The following ELFN2 variants were observed in gnomAD, a reference collection of about 807,000 sequenced individuals.
ELFN2 encodes extracellular leucine rich repeat and fibronectin type III domain containing 2.
Under a neutral mutation model 45.5 loss-of-function variants are expected in ELFN2, and 17 were observed. The ratio of observed to expected loss-of-function variants is 0.37; its 90% CI spans 0.26 to 0.56. The LOEUF (loss-of-function observed/expected upper bound fraction) is 0.56. Among genes scored for constraint, ELFN2 ranks in the 20% least tolerant of loss-of-function variants. ELFN2 has a pLI of 0.77. For synonymous variants in ELFN2, 550 were observed against 551.5 expected (o/e 1.00, Z 0.04); for missense variants, 922 against 1,183.2 (o/e 0.78, Z 3.24).
intron 1 of ELFN2, among the ~76,000 whole-genome samples, chr22:37,347,165 A>T (rs1930717353): frequency 6.6e-6 from 1 of 151,636 alleles, no homozygotes; most frequent in African/African-American, 2.4e-5. Flanking sequence ...TTTAGTAGAG[A>T]TGGGGGTTTC....
intron 1 of ELFN2, among the ~76,000 whole-genome samples, chr22:37,358,740 G>A (rs1272472070): frequency 3.3e-5 from 5 of 152,216 alleles, no homozygotes; most frequent in African/African-American, 9.6e-5. Context: ...TCTAACAGAT[G>A]AGGGGCACAG....
At chr22:37,424,804 T>C (rs1209333162) in intron 1 of ELFN2, among the ~76,000 whole-genome samples, 7 of 151,948 alleles carry the variant, frequency 4.6e-5, no homozygotes, top group Non-Finnish European at 8.8e-5. Context: ...GCCGTGGAAA[T>C]CCAAGGAAAG....
intron 2 of ELFN2, among the ~76,000 whole-genome samples, chr22:37,379,482 A>C (rs1157052509): frequency 2.0e-5 from 3 of 151,644 alleles, no homozygotes. Flanking sequence ...GCCTGACTGG[A>C]CCCCTCCCCT....
chr22:37,345,851 C>A (rs770977204), intron 1 of ELFN2, among the ~76,000 whole-genome samples: 3 of 152,184 alleles, frequency 2.0e-5, no homozygotes, highest in Admixed American at 6.5e-5. Flanking sequence ...CGGCCATGGC[C>A]TCCTTGCTTT....
intron 1 of ELFN2, among the ~76,000 whole-genome samples, chr22:37,344,266 A>G (rs1466718156): frequency 1.8e-5 from 2 of 112,404 alleles, no homozygotes; most frequent in African/African-American, 3.6e-5. Context: ...CTACAACGCA[A>G]TGGTGGCAGC....
At chr22:37,424,690 G>A (rs1474252431) in intron 1 of ELFN2, among the ~76,000 whole-genome samples, 1 of 150,196 alleles carries the variant, frequency 6.7e-6, no homozygotes, top group Non-Finnish European at 1.5e-5. Context: ...CGGGGGGGGG[G>A]ATGGAATTCA....
intron 2 of ELFN2, among the ~76,000 whole-genome samples, chr22:37,410,360 G>A (rs184532125): frequency 6.6e-6 from 1 of 152,296 alleles, no homozygotes; most frequent in African/African-American, 2.4e-5. Context: ...CCTCAGCCTG[G>A]CCACTCACTG....
chr22:37,405,540 G>A (rs1316144630), intron 2 of ELFN2, among the ~76,000 whole-genome samples: 5 of 152,076 alleles, frequency 3.3e-5, no homozygotes, highest in African/African-American at 1.2e-4. Flanking sequence ...CATCACTGCT[G>A]TCATTACAGT....
At position 37,383,145 on chromosome 22, in the gene ELFN2, C is replaced by T. The variant is rs138519574; in HGVS notation, c.-462-7149G>A. 5.9e-3 allele frequency among the ~76,000 whole-genome samples: 906 copies of T among 152,284 alleles called. 14 individuals are homozygous for T. Among genetic ancestry groups the T allele is most frequent in the South Asian group, 0.013 (64 of 4,820 alleles). ...CTTGCTGTCAAGGTCCCTCTTACAA[C>T]GTGTCGCCTGGAGCCAAGCACCAGT... On this transcript the variant is annotated intron_variant, in intron 2 of 2. Coordinates refer to ENST00000402918, the MANE Select transcript of ELFN2 (RefSeq NM_052906.5).
At chr22:37,356,841 TATC>T (rs2145618625) in intron 1 of ELFN2, among the ~76,000 whole-genome samples, 1 of 152,322 alleles carries the variant, frequency 6.6e-6, no homozygotes, top group African/African-American at 2.4e-5. Context: ...TCTCTAACAA[TATC>T]ATCGTCTTTT....
At chr22:37,391,880 G>A (rs1932094778) in intron 2 of ELFN2, among the ~76,000 whole-genome samples, 1 of 152,214 alleles carries the variant, frequency 6.6e-6, no homozygotes, top group Non-Finnish European at 1.5e-5. Context: ...TCAGGAGGAA[G>A]GGGTGCAGAC....
chr22:37,373,661 G>T lies in ELFN2; in HGVS notation c.1874C>A (p.Thr625Asn). 2 of 1,580,524 alleles carry T rather than the reference G, an allele frequency of 1.3e-6. No individual in the cohort carries two copies. The highest frequency in any genetic ancestry group is 1.7e-6 in the Non-Finnish European group (2 of 1,164,850). Residue 625 changes from threonine to asparagine, a missense_variant, in exon 3 of 3, where the codon ACC (threonine) becomes AAC (asparagine). Transcript: ENST00000402918. ...QRQLSADAAV[T>N]RKTCSVSSSG... Reference sequence around the variant, plus strand: ...GGACGACACGCTGCAGGTCTTGCGGGTCACGGCCGCGTCGGCGCTCAGCTG... The same window carrying T: ...GGACGACACGCTGCAGGTCTTGCGGTTCACGGCCGCGTCGGCGCTCAGCTG...
In ELFN2 at chr22:37,373,245, C is replaced by T. The variant is rs754011945; in HGVS notation, c.2290G>A (p.Glu764Lys). The T allele has an allele frequency of 1.9e-6, 3 of 1,613,764 alleles. No homozygotes were observed. The highest frequency in any genetic ancestry group is 1.1e-5 in the South Asian group (1 of 91,082). Residue 764 changes from glutamate to lysine, a missense_variant, in exon 3 of 3, where the codon GAG becomes AAG. Glu to Lys is a moderately conservative substitution (Grantham distance 56). Around this residue, in one of 2 missense-constraint regions of ELFN2, gnomAD observed 564 missense variants for 642.8 expected, o/e 0.88. Transcript: ENST00000402918. ...GYSSSPEYSSESTHKIWERFR... is the reference protein window; with the variant it reads ...GYSSSPEYSSKSTHKIWERFR... ...CGCTCCCAGATCTTGTGCGTGCTCT[C>T]GGATGAGTACTCGGGGCTGGAGGAG... is the stretch of plus-strand genomic sequence containing the variant.
intron 2 of ELFN2, among the ~76,000 whole-genome samples, chr22:37,386,684 C>A (rs976728004): frequency 2.6e-5 from 4 of 152,152 alleles, no homozygotes; most frequent in African/African-American, 9.6e-5. Flanking sequence ...GGGTCGACAT[C>A]GAGCCCCGGA....
At position 37,377,999 on chromosome 22, in the gene ELFN2, G is replaced by A. The variant is rs577475731; in HGVS notation, c.-462-2003C>T. 2.1e-4 allele frequency among the ~76,000 whole-genome samples: 32 copies of A among 152,272 alleles called. 1 individual carries two copies. Among genetic ancestry groups the A allele is most frequent in the Admixed American group, 1.8e-3 (27 of 15,298 alleles). Reference sequence around the variant, plus strand: ...CATGCTTGCCACTTCAGAGATCCACGAGCCGGCCTGTCAGAGAACCCTCGT... The same window carrying A: ...CATGCTTGCCACTTCAGAGATCCACAAGCCGGCCTGTCAGAGAACCCTCGT... On this transcript the variant is annotated intron_variant, in intron 2 of 2. Coordinates refer to ENST00000402918, the MANE Select transcript of ELFN2 (RefSeq NM_052906.5).
At chr22:37,377,862 C>T (rs1044571316) in intron 2 of ELFN2, among the ~76,000 whole-genome samples, 7 of 152,186 alleles carry the variant, frequency 4.6e-5, no homozygotes, top group South Asian at 2.1e-4. Context: ...CCTTGGCCCC[C>T]GTCCAGCACG....
intron 1 of ELFN2, chr22:37,353,546 C>T (rs1478791546): frequency 6.6e-6 from 1 of 151,002 alleles, no homozygotes; most frequent in Admixed American, 6.6e-5. Context: ...TGCAACAGGA[C>T]TCTTAATTAC....
chr22:37,399,750 T>G (rs538746888), intron 2 of ELFN2, among the ~76,000 whole-genome samples: 1 of 152,114 alleles, frequency 6.6e-6, no homozygotes, highest in Non-Finnish European at 1.5e-5. Context: ...CACCGGCTGC[T>G]GGCTCCCATG....
chr22:37,355,532 T>C (rs980905158), intron 1 of ELFN2, among the ~76,000 whole-genome samples: 1 of 152,198 alleles, frequency 6.6e-6, no homozygotes, highest in Admixed American at 6.5e-5. Flanking sequence ...AAGTCCCTTC[T>C]CAGACCTCAC....
Sources: gnomAD v4.1 joint callset for allele counts (sites outside exome capture counted in the v4.1 genomes callset) on GRCh38, gnomAD v4.1.1 for gene constraint, gnomAD v4.1.1 regional missense constraint, MANE v1.5 for transcripts, NCBI Gene and HGNC (gene_info 2026-07-23, HGNC 2026-07-21) for gene names.